Variants in FLOT2 observed in about 807,000 individuals in gnomAD.
The protein encoded by FLOT2 is flotillin 2.
A neutral mutation model predicts 54.9 loss-of-function variants in FLOT2; 35 were observed. That is an observed-to-expected ratio of 0.64 (90% confidence interval 0.49 to 0.84). The LOEUF (loss-of-function observed/expected upper bound fraction) is 0.84, where lower values mean the gene tolerates loss of function less well. FLOT2 is among the 40% of genes least tolerant of loss of function. The pLI is 0.00. For missense variants in FLOT2, 464 were observed against 572.1 expected, an observed-to-expected ratio of 0.81 and a Z score of 1.93; for synonymous variants, 207 against 228.9, an observed-to-expected ratio of 0.90 and a Z score of 0.86.
In FLOT2 at chr17:28,879,451, G is replaced by A. The variant is rs1177876940; in HGVS notation, c.*1110C>T. The A allele has an allele frequency of 1.0e-6, 1 of 987,798 alleles. No homozygotes were observed. The highest frequency in any genetic ancestry group is 1.2e-6 in the Non-Finnish European group (1 of 830,246). 61.2% of individuals were successfully genotyped at this position (987,798 alleles called of 1,614,324 possible). A position where few individuals can be genotyped will look rare whatever the true frequency, so the allele number is the denominator to read the frequency against. ...ACATGCAGGAAGAGCTACACAGGCT[G>A]GGGCAGGGCCAGGGTGGGGAGCTGG... On this transcript the variant is annotated 3_prime_UTR_variant, in exon 11 of 11. Transcript: ENST00000394908.
In FLOT2 at chr17:28,884,480, G is replaced by A. The variant is rs547509702; in HGVS notation, c.132-165C>T. Among the ~76,000 whole-genome samples, 3 of 152,292 alleles carry A rather than the reference G, an allele frequency of 2.0e-5. No homozygotes were observed. The highest frequency in any genetic ancestry group is 2.1e-4 in the South Asian group (1 of 4,828). On this transcript the variant is annotated intron_variant, in intron 2 of 10. Transcript: ENST00000394908. The surrounding 1 kb of genome is among the most constrained non-coding windows in gnomAD (Gnocchi z 5.1). ...GAGTGTCTGAGAAGGAGGTGGGCACGAGGGCAGGGTGGGTGCAGGTGGCCC... is the reference window on the plus strand; with the variant it reads ...GAGTGTCTGAGAAGGAGGTGGGCACAAGGGCAGGGTGGGTGCAGGTGGCCC...
intron 1 of FLOT2, among the ~76,000 whole-genome samples, chr17:28,891,733 G>A (rs2039655216): frequency 6.6e-6 from 1 of 152,174 alleles, no homozygotes; most frequent in Admixed American, 6.5e-5. Flanking sequence ...CAGTGCAGCT[G>A]TAGAGTCTGG....
At chr17:28,889,933 T>C (rs1329855969) in intron 1 of FLOT2, among the ~76,000 whole-genome samples, 2 of 152,054 alleles carry the variant, frequency 1.3e-5, no homozygotes, top group African/African-American at 4.8e-5. Context: ...CCACCACGCC[T>C]GGTCCAGCTT....
Position 28,897,669 on chromosome 17 carries a change from C to T in FLOT2, c.-95G>A. 1 of 1,150,572 alleles carries T rather than the reference C, an allele frequency of 8.7e-7. No homozygotes were observed. The highest frequency in any genetic ancestry group is 1.1e-6 in the Non-Finnish European group (1 of 897,488). 71.3% of individuals were successfully genotyped at this position (1,150,572 alleles called of 1,614,324 possible). On this transcript the variant is annotated 5_prime_UTR_variant, in exon 1 of 11. Coordinates refer to ENST00000394908, the MANE Select transcript of FLOT2 (RefSeq NM_004475.3). The surrounding 1 kb of genome is among the most constrained non-coding windows in gnomAD (Gnocchi z 4.4). ...GCCGCGCCCAGCCTATCCCGCCACC[C>T]CCAGCGGCCGGCCGCCCGCTCGCTC...
intron 1 of FLOT2, among the ~76,000 whole-genome samples, chr17:28,893,683 C>A (rs2039691122): frequency 1.3e-5 from 2 of 152,200 alleles, no homozygotes; most frequent in Admixed American, 6.5e-5. Context: ...AGACAGGCAG[C>A]CCAGCGCCAG....
At chr17:28,889,570 A>C (rs915515796) in intron 1 of FLOT2, among the ~76,000 whole-genome samples, 3 of 150,948 alleles carry the variant, frequency 2.0e-5, no homozygotes, top group Non-Finnish European at 4.4e-5. Context: ...GGCCTTAGGC[A>C]ATCTGCCTGC....
At chr17:28,894,283 T>G (rs1335555268) in intron 1 of FLOT2, among the ~76,000 whole-genome samples, 48 of 152,180 alleles carry the variant, frequency 3.2e-4, no homozygotes, top group Non-Finnish European at 1.3e-4. Context: ...GCCCAGGAGT[T>G]TGAGAACAGT....
rs796930710 is a variant in FLOT2 at position 28,886,061 on chromosome 17, G to GGA, written c.132-1747_132-1746insTC. The GGA allele has an allele frequency of 1.2e-3, 740 of 628,962 alleles. 72 individuals carry two copies. The highest frequency in any genetic ancestry group is 6.6e-3 in the South Asian group (420 of 63,750). 39.0% of individuals were successfully genotyped at this position (628,962 alleles called of 1,614,324 possible). On this transcript the variant is annotated intron_variant, in intron 2 of 10. Transcript: ENST00000394908. ...ACCGATGCCTGACGCCTGGGGGCGG[G>GGA]GGGGGGCATGCTGTCAGTAATCCAA...
intron 9 of FLOT2, 74 bp from the exon 10 acceptor site, chr17:28,880,936 C>T: frequency 6.4e-7 from 1 of 1,566,242 alleles, no homozygotes; most frequent in South Asian, 1.1e-5. Context: ...ATCTCTCCCT[C>T]CCTTCCTTAA....
In FLOT2 at chr17:28,888,965, C is replaced by T; in HGVS notation, c.111G>A (p.Trp37Ter). 8 of 1,614,142 alleles carry T rather than the reference C, an allele frequency of 5.0e-6. No individual in the cohort carries two copies. Among genetic ancestry groups the T allele is most frequent in the Non-Finnish European group, 6.8e-6 (8 of 1,179,994 alleles). The change falls in exon 2 of 11, where the codon TGG (tryptophan) becomes TGA (stop). Residue 37 changes from tryptophan to a stop codon, truncating the protein, a stop_gained. Coordinates refer to ENST00000394908, the MANE Select transcript of FLOT2 (RefSeq NM_004475.3). LOFTEE classifies it high-confidence loss of function. Reference sequence around the variant, plus strand: ...CTTACCTCTGAGTGTCGGAGATACACCACCAGGCCCAGGCCCAGCCGCCAA... The same window carrying T: ...CTTACCTCTGAGTGTCGGAGATACATCACCAGGCCCAGGCCCAGCCGCCAA... Reference protein sequence around the residue: ...YVFGGWAWAWWCISDTQRISL... With the variant: ...YVFGGWAWAW
rs1457451473 is a variant in FLOT2 at position 28,883,688 on chromosome 17, A to C, written c.223-457T>G. Reference sequence around the variant, plus strand: ...CGAGGGTGCCTCTCCTTCTTGAGTTACTCAGCCAACCCCTCGCCGAGGCCT... The same window carrying C: ...CGAGGGTGCCTCTCCTTCTTGAGTTCCTCAGCCAACCCCTCGCCGAGGCCT... On this transcript the variant is annotated intron_variant, in intron 3 of 10. Transcript: ENST00000394908. The surrounding 1 kb of genome is among the most constrained non-coding windows in gnomAD (Gnocchi z 5.0). Among the ~76,000 whole-genome samples, 1 of 152,070 alleles carries C rather than the reference A, an allele frequency of 6.6e-6. No individual in the cohort carries two copies. The highest frequency in any genetic ancestry group is 2.4e-5 in the African/African-American group (1 of 41,404).
At chr17:28,893,764 G>A (rs940705733) in intron 1 of FLOT2, among the ~76,000 whole-genome samples, 3 of 152,332 alleles carry the variant, frequency 2.0e-5, no homozygotes, top group East Asian at 1.9e-4. Context: ...CTTAGAAACC[G>A]ATGTTATTCA....
In FLOT2 at chr17:28,888,994, C is replaced by G. The variant is rs376080270; in HGVS notation, c.82G>C (p.Val28Leu). 2 of 1,614,052 alleles carry G rather than the reference C, an allele frequency of 1.2e-6. No homozygotes were observed. The highest frequency in any genetic ancestry group is 1.7e-6 in the Non-Finnish European group (2 of 1,180,014). ...GCCGSDYKQY[V>L]FGGWAWAWWC... is the part of the protein sequence containing the mutation. ...CAGGCCCAGGCCCAGCCGCCAAACA[C>G]GTACTGTTTATAGTCGGAACCACAA... The change falls in exon 2 of 11, where the codon GTG (valine) becomes CTG (leucine). Residue 28 changes from valine (V) to leucine (L), a missense_variant. Val to Leu is a conservative substitution (Grantham distance 32). Coordinates refer to ENST00000394908, the MANE Select transcript of FLOT2 (RefSeq NM_004475.3).
chr17:28,888,805 A>ACCCCCCCCCCCCCC, intron 2 of FLOT2, 140 bp downstream of exon 2: 1 of 393,058 alleles, frequency 2.5e-6, no homozygotes, highest in South Asian at 1.9e-5. Context: ...GTCCCCCCCA[A>ACCCCCCCCCCCCCC]CCCCACCCCT....
At position 28,880,839 on chromosome 17, in the gene FLOT2, T is replaced by C. The variant is rs773242424; in HGVS notation, c.1122A>G (p.Pro374=). The stretch of plus-strand genomic sequence containing the variant: ...CCACAATCTCATCGACCTTGGTAAG[T>C]GGGGCAGCGATTTTGGCAGCAATCT... ...LPQIAAKIAA[P]LTKVDEIVVL... The change falls in exon 10 of 11, where the codon CCA becomes CCG. Residue 374 remains proline (P), a synonymous_variant. Coordinates refer to ENST00000394908, the MANE Select transcript of FLOT2 (RefSeq NM_004475.3). 3 of 1,614,082 alleles carry C rather than the reference T, an allele frequency of 1.9e-6. No homozygotes were observed. Among genetic ancestry groups the C allele is most frequent in the Non-Finnish European group, 2.5e-6 (3 of 1,180,028 alleles).
chr17:28,881,302 T>A lies in FLOT2; in HGVS notation c.988A>T (p.Ile330Phe). 6.2e-7 allele frequency: 1 copy of A among 1,614,092 alleles called. No individual in the cohort carries two copies. Among genetic ancestry groups the A allele is most frequent in the African/African-American group, 1.3e-5 (1 of 75,074 alleles). Residue 330 changes from isoleucine (I) to phenylalanine (F), a missense_variant, in exon 9 of 11, where the codon ATC becomes TTC. By Grantham distance (21) the Ile-to-Phe change is conservative (BLOSUM62 0). Coordinates refer to ENST00000394908, the MANE Select transcript of FLOT2 (RefSeq NM_004475.3). ...GCCTCTGCCTTGCCCATCGCCTCGA[T>A]GACTGCCGCTTCCGCCTCCCCGATT... ...RKIGEAEAAV[I>F]EAMGKAEAER...
chr17:28,886,948 T>C (rs73264577), intron 2 of FLOT2, among the ~76,000 whole-genome samples: 2,047 of 152,030 alleles, frequency 0.013, 34 homozygotes, highest in African/African-American at 0.046. Flanking sequence ...CCTGAGAGGA[T>C]TCTTGACCCA....
chr17:28,891,808 C>A (rs2039655842), intron 1 of FLOT2, among the ~76,000 whole-genome samples: 1 of 152,116 alleles, frequency 6.6e-6, no homozygotes, highest in Non-Finnish European at 1.5e-5. Context: ...AAACTGGGGA[C>A]AAATTTTCGG....
chr17:28,890,848 T>C (rs1240801050), intron 1 of FLOT2, among the ~76,000 whole-genome samples: 1 of 139,500 alleles, frequency 7.2e-6, no homozygotes, highest in Non-Finnish European at 1.5e-5. Flanking sequence ...AACCAGAGAG[T>C]GTTATCATTT....
Sources: allele counts gnomAD v4.1 joint callset (sites outside exome capture counted in the v4.1 genomes callset), GRCh38; gene constraint gnomAD v4.1.1; non-coding constraint Gnocchi (gnomAD v3.1); transcripts MANE v1.5; gene names NCBI Gene and HGNC (gene_info 2026-07-23, HGNC 2026-07-21).